The following MAML2 variants were observed in gnomAD, a reference collection of about 807,000 sequenced individuals.
MAML2 encodes the protein mastermind like transcriptional coactivator 2, also known as mastermind-like protein 2.
Under a neutral mutation model 96.1 loss-of-function variants are expected in MAML2, and 22 were observed. The ratio of observed to expected loss-of-function variants is 0.23; its 90% CI spans 0.16 to 0.33. The LOEUF is 0.33. MAML2 is among the 10% of genes least tolerant of loss of function. The probability of loss-of-function intolerance (pLI) is 1.00; values close to 1 mark genes in which losing one functional copy is unlikely to be tolerated. For missense variants in MAML2, 1,367 were observed against 1,392.4 expected, an observed-to-expected ratio of 0.98 and a Z score of 0.29; for synonymous variants, 561 against 521.3, an observed-to-expected ratio of 1.08 and a Z score of -1.04.
chr11:96,232,626 C>T (rs367783608), intron 1 of MAML2, among the ~76,000 whole-genome samples: 9 of 152,138 alleles, frequency 5.9e-5, no homozygotes, highest in African/African-American at 1.4e-4. Context: ...CCCGCCACCA[C>T]GCCCGGCTAA....
At chr11:96,292,439 A>G (rs929727613) in intron 1 of MAML2, among the ~76,000 whole-genome samples, 6 of 152,214 alleles carry the variant, frequency 3.9e-5, no homozygotes, top group Non-Finnish European at 7.3e-5. Context: ...TGTAACACCA[A>G]TCCTATGGAG....
At chr11:96,117,900 C>A (rs1054986422) in intron 1 of MAML2, among the ~76,000 whole-genome samples, 1 of 152,190 alleles carries the variant, frequency 6.6e-6, no homozygotes, top group African/African-American at 2.4e-5. Context: ...AGAAAGACTT[C>A]TGTTCTCTTC....
chr11:95,985,543 C>T lies in MAML2; in HGVS notation c.2443G>A (p.Ala815Thr). The T allele has an allele frequency of 6.3e-7, 1 of 1,597,482 alleles. No individual in the cohort carries two copies. The highest frequency in any genetic ancestry group is 1.1e-5 in the South Asian group (1 of 89,740). ...RRNVGNMQPT[A>T]QYSGGSSTIS... ...TAAGAACACTTACCAGAATACTGAG[C>T]AGTTGGTTGCATATTGCCCACATTT... Residue 815 changes from alanine (A) to threonine (T), a missense_variant, in exon 4 of 5, where the codon GCT (alanine) becomes ACT (threonine). Transcript: ENST00000524717.
intron 2 of MAML2, among the ~76,000 whole-genome samples, chr11:96,015,634 C>A (rs1406632712): frequency 2.0e-5 from 3 of 147,052 alleles, no homozygotes; most frequent in African/African-American, 5.0e-5. Context: ...CCATGTGTAC[C>A]AAAATGTGTA....
intron 1 of MAML2, among the ~76,000 whole-genome samples, chr11:96,311,201 T>C (rs919466426): frequency 6.6e-6 from 1 of 152,236 alleles, no homozygotes; most frequent in Non-Finnish European, 1.5e-5. Context: ...TCACTATGTT[T>C]ACATTGGCTA....
chr11:96,305,755 A>G (rs2136001185), intron 1 of MAML2, among the ~76,000 whole-genome samples: 1 of 152,342 alleles, frequency 6.6e-6, no homozygotes, highest in African/African-American at 2.4e-5. Flanking sequence ...GAATGTTACT[A>G]GAACTTAGAA....
chr11:96,056,410 C>T (rs1859071173), intron 2 of MAML2, among the ~76,000 whole-genome samples: 1 of 145,416 alleles, frequency 6.9e-6, no homozygotes, highest in African/African-American at 2.5e-5. Flanking sequence ...AAAAAAAGCC[C>T]AGGTTGGGAA....
chr11:96,209,853 G>A (rs919698692), intron 1 of MAML2, among the ~76,000 whole-genome samples: 2 of 152,122 alleles, frequency 1.3e-5, no homozygotes, highest in African/African-American at 2.4e-5. Flanking sequence ...TCAAGCAATA[G>A]ACCTCAATAT....
intron 1 of MAML2, among the ~76,000 whole-genome samples, chr11:96,147,489 A>C (rs1287903889): frequency 1.3e-5 from 2 of 152,198 alleles, no homozygotes; most frequent in Non-Finnish European, 2.9e-5. Context: ...GTGTTAGTTT[A>C]TATTTTTTTA....
chr11:96,253,442 T>C (rs989307077), intron 1 of MAML2, among the ~76,000 whole-genome samples: 1 of 152,180 alleles, frequency 6.6e-6, no homozygotes, highest in Admixed American at 6.5e-5. Context: ...AATCTTCCTA[T>C]CTAGACTGTA....
chr11:95,992,290 G>A (rs1379851810), intron 2 of MAML2, among the ~76,000 whole-genome samples: 1 of 152,108 alleles, frequency 6.6e-6, no homozygotes, highest in East Asian at 1.9e-4. Flanking sequence ...TGTAAATTTT[G>A]TTCCGCAGTC....
intron 1 of MAML2, among the ~76,000 whole-genome samples, chr11:96,255,689 G>T (rs964587796): frequency 6.6e-6 from 1 of 152,010 alleles, no homozygotes; most frequent in African/African-American, 2.4e-5. Flanking sequence ...TTGTGCCTGG[G>T]GCTGCAGCCG....
At chr11:96,249,693 C>G (rs1380448498) in intron 1 of MAML2, among the ~76,000 whole-genome samples, 6 of 152,046 alleles carry the variant, frequency 3.9e-5, no homozygotes, top group Non-Finnish European at 8.8e-5. Flanking sequence ...AAAATCCACA[C>G]TTTTCCCCAC....
At chr11:96,285,971 T>G (rs182213527) in intron 1 of MAML2, among the ~76,000 whole-genome samples, 2 of 152,310 alleles carry the variant, frequency 1.3e-5, no homozygotes, top group Non-Finnish European at 2.9e-5. Flanking sequence ...ATCCCGTTAC[T>G]GGGTATATAC....
Position 96,092,233 on chromosome 11 carries a change from GC to G in MAML2, c.1797del (p.Gln599HisfsTer82). On this transcript the variant is annotated frameshift_variant, in exon 2 of 5. Transcript: ENST00000524717. LOFTEE classifies it high-confidence loss of function. The surrounding 1 kb of genome is among the most constrained non-coding windows in gnomAD (Gnocchi z 4.1). The stretch of plus-strand genomic sequence containing the variant: ...TGTTGCTGCTGCTGCTGCTGCTGCT[GC>G]TGCTGCTGCTGCTGCTGTTGCTGCT... Reference protein sequence around the residue: ...QQQQQQQQQQQQQQQQQQQQQ... With the variant: ...QQQQQQQQQQXQQQQQQQQQQ... 1.3e-6 allele frequency: 2 copies of G among 1,531,556 alleles called. No individual in the cohort carries two copies. Among genetic ancestry groups the G allele is most frequent in the Non-Finnish European group, 1.8e-6 (2 of 1,132,662 alleles). 94.9% of individuals were successfully genotyped at this position (1,531,556 alleles called of 1,614,324 possible). A position where few individuals can be genotyped will look rare whatever the true frequency, so the allele number is the denominator to read the frequency against.
At chr11:96,050,564 C>T in intron 2 of MAML2, among the ~76,000 whole-genome samples, 1 of 152,114 alleles carries the variant, frequency 6.6e-6, no homozygotes, top group East Asian at 1.9e-4. Context: ...CTTGGTTTCC[C>T]TGGAAACAGA....
intron 1 of MAML2, among the ~76,000 whole-genome samples, chr11:96,178,896 ATG>A (rs1861437224): frequency 6.6e-6 from 1 of 152,204 alleles, no homozygotes; most frequent in Admixed American, 6.5e-5. Context: ...GAAGAAGATA[ATG>A]CTTTGCAGAA....
At chr11:96,170,985 G>A (rs531492146) in intron 1 of MAML2, among the ~76,000 whole-genome samples, 8 of 152,106 alleles carry the variant, frequency 5.3e-5, no homozygotes, top group African/African-American at 1.9e-4. Context: ...CAAAGTGCTG[G>A]GATTACAGGC....
intron 1 of MAML2, among the ~76,000 whole-genome samples, chr11:96,321,366 C>T (rs1033886777): frequency 1.3e-5 from 2 of 152,228 alleles, no homozygotes; most frequent in Non-Finnish European, 2.9e-5. Context: ...TGAAATTCCT[C>T]CTAAAGCTCC....
Sources: allele counts gnomAD v4.1 joint callset (sites outside exome capture counted in the v4.1 genomes callset), GRCh38; gene constraint gnomAD v4.1.1; non-coding constraint Gnocchi (gnomAD v3.1); transcripts MANE v1.5; gene names NCBI Gene and HGNC (gene_info 2026-07-23, HGNC 2026-07-21).